WHR1: variants seen among roughly 807,000 people sequenced by gnomAD.
WHR1 encodes winged helix repair factor 1.
At chr6:31,973,478 T>C in the WHR1 span, 1 of 168,156 alleles carries the variant, frequency 5.9e-6, no homozygotes, top group Non-Finnish European at 1.3e-5. Context: ...AATTCTGTGA[T>C]GTGGTGAGAT....
At chr6:31,975,102 A>T in the WHR1 span, among the ~76,000 whole-genome samples, 1 of 152,138 alleles carries the variant, frequency 6.6e-6, no homozygotes, top group African/African-American at 2.4e-5. Flanking sequence ...ACTATAGAAT[A>T]TGACCAGTAT....
At chr6:31,972,215 T>G in the WHR1 span, 6 of 1,612,618 alleles carry the variant, frequency 3.7e-6, no homozygotes, top group Non-Finnish European at 5.1e-6. The surrounding 1 kb of genome is among the most constrained non-coding windows in gnomAD (Gnocchi z 6.3). Context: ...GAGGTGATGC[T>G]GGTATGTGCG....
At chr6:31,973,865 T>G in the WHR1 span, among the ~76,000 whole-genome samples, 1 of 152,180 alleles carries the variant, frequency 6.6e-6, no homozygotes, top group Non-Finnish European at 1.5e-5. Flanking sequence ...GATTTGGGAC[T>G]CTACATTTTT....
At chr6:31,979,690 A>T in the WHR1 span, 1 of 1,172,522 alleles carries the variant, frequency 8.5e-7, no homozygotes, top group South Asian at 1.6e-5. Context: ...CTTGTTAATA[A>T]AATGACCCAA....
the WHR1 span, chr6:31,972,503 G>A: frequency 6.2e-7 from 1 of 1,608,548 alleles, no homozygotes; most frequent in South Asian, 1.1e-5. The surrounding 1 kb of genome is among the most constrained non-coding windows in gnomAD (Gnocchi z 6.3). Context: ...CCTCTTCGGG[G>A]TGAGCCAGGT....
the WHR1 span, chr6:31,972,645 A>G: frequency 1.2e-6 from 2 of 1,613,144 alleles, no homozygotes; most frequent in African/African-American, 2.7e-5. This position sits in a 1 kb window ranked among gnomAD's most constrained non-coding sequence, Gnocchi z 6.3. Flanking sequence ...GCTGTCTCAG[A>G]ACTCATGCAG....
chr6:31,972,673 G>T, the WHR1 span: 3 of 1,613,856 alleles, frequency 1.9e-6, no homozygotes, highest in Non-Finnish European at 1.7e-6. The surrounding 1 kb of genome is among the most constrained non-coding windows in gnomAD (Gnocchi z 6.3). Context: ...CGCGAGGCCT[G>T]TTTGAGGACG....
chr6:31,972,132 C>T, the WHR1 span: 10 of 1,612,886 alleles, frequency 6.2e-6, no homozygotes, highest in Non-Finnish European at 7.6e-6. This position sits in a 1 kb window ranked among gnomAD's most constrained non-coding sequence, Gnocchi z 6.3. Context: ...CCCTCCACGC[C>T]GCCAACGAGT....
At chr6:31,977,338 ATTTTTTTTTTTTT>A in the WHR1 span, among the ~76,000 whole-genome samples, 2 of 127,432 alleles carry the variant, frequency 1.6e-5, no homozygotes, top group Non-Finnish European at 3.3e-5. Flanking sequence ...CGCCCAGCTA[ATTTTTTTTTTTTT>A]TTTTTTTTTG....
chr6:31,979,219 GAGGA>G, the WHR1 span, among the ~76,000 whole-genome samples: 252 of 112,712 alleles, frequency 2.2e-3, 8 homozygotes, highest in South Asian at 0.048. Context: ...GGGGGAGGAG[GAGGA>G]AGGAAGGAGG....
At chr6:31,979,494 C>A in the WHR1 span, 2 of 1,612,844 alleles carry the variant, frequency 1.2e-6, no homozygotes, top group African/African-American at 1.3e-5. Flanking sequence ...CCTGTGGGGA[C>A]CTTAGTTTCC....
the WHR1 span, among the ~76,000 whole-genome samples, chr6:31,977,051 A>T: frequency 6.6e-6 from 1 of 152,090 alleles, no homozygotes; most frequent in African/African-American, 2.4e-5. Flanking sequence ...TAATTCCACT[A>T]TTACTTGTCT....
At chr6:31,971,884 T>C in the WHR1 span, 1 of 1,465,310 alleles carries the variant, frequency 6.8e-7, no homozygotes, top group Non-Finnish European at 9.1e-7. The surrounding 1 kb of genome is among the most constrained non-coding windows in gnomAD (Gnocchi z 4.5). Flanking sequence ...CCAAATGCAG[T>C]GAGGTTAGGA....
At chr6:31,974,676 T>C in the WHR1 span, among the ~76,000 whole-genome samples, 95 of 152,180 alleles carry the variant, frequency 6.2e-4, no homozygotes, top group African/African-American at 2.2e-3. Flanking sequence ...AAGGAGTGCT[T>C]GAGCCCAGGA....
chr6:31,976,544 C>G, the WHR1 span, among the ~76,000 whole-genome samples: 2 of 151,814 alleles, frequency 1.3e-5, no homozygotes, highest in East Asian at 3.9e-4. Context: ...GGCAGAGACA[C>G]TCCTCACTTT....
the WHR1 span, chr6:31,971,916 AG>A: frequency 1.6e-5 from 25 of 1,532,648 alleles, no homozygotes; most frequent in Non-Finnish European, 2.2e-5. The surrounding 1 kb of genome is among the most constrained non-coding windows in gnomAD (Gnocchi z 4.5). Context: ...GCTCAGATCA[AG>A]AATCCAGTTA....
the WHR1 span, chr6:31,978,966 G>A: frequency 1.9e-6 from 3 of 1,612,412 alleles, no homozygotes; most frequent in African/African-American, 2.7e-5. Flanking sequence ...GGATGCCCAT[G>A]GAATTATCTT....
chr6:31,980,302 A>C, the WHR1 span: 1 of 706,082 alleles, frequency 1.4e-6, no homozygotes, highest in Non-Finnish European at 2.3e-6. Flanking sequence ...GTGCGAGCAC[A>C]GAACCACCCC....
the WHR1 span, chr6:31,971,333 C>G: frequency 1.3e-6 from 2 of 1,542,906 alleles, no homozygotes; most frequent in South Asian, 2.5e-5. The surrounding 1 kb of genome is among the most constrained non-coding windows in gnomAD (Gnocchi z 4.5). Context: ...TCCAACCGGC[C>G]TCGGTGTTCC....
Sources: gnomAD v4.1 joint callset for allele counts (sites outside exome capture counted in the v4.1 genomes callset) on GRCh38, gnomAD v4.1.1 for gene constraint, Gnocchi (gnomAD v3.1) non-coding constraint, MANE v1.5 for transcripts, NCBI Gene and HGNC (gene_info 2026-07-23, HGNC 2026-07-21) for gene names.